Variants in ASTN2 observed in about 807,000 individuals in gnomAD.
ASTN2 encodes astrotactin-2.
In ASTN2, 54 loss-of-function variants were observed where a neutral mutation model predicts 139.8. That is an observed-to-expected ratio of 0.39 (90% CI 0.31 to 0.48). The LOEUF is 0.48. Ranked by LOEUF, ASTN2 falls within the 20% of genes least tolerant of loss-of-function variation. ASTN2 has a pLI of 0.95. For missense variants in ASTN2, 1,565 were observed against 1,725.1 expected, an observed-to-expected ratio of 0.91 and a Z score of 1.64; for synonymous variants, 756 against 719.5, an observed-to-expected ratio of 1.05 and a Z score of -0.81.
intron 2 of ASTN2, among the ~76,000 whole-genome samples, chr9:117,278,872 C>A (rs1331829937): frequency 6.6e-6 from 1 of 152,122 alleles, no homozygotes; most frequent in Non-Finnish European, 1.5e-5. Flanking sequence ...GGGCCTTCTG[C>A]TGGGTGCAGT....
intron 1 of ASTN2, among the ~76,000 whole-genome samples, chr9:117,402,295 G>A (rs570033555): frequency 1.3e-5 from 2 of 152,264 alleles, no homozygotes; most frequent in South Asian, 4.1e-4. Context: ...TCAAACTCCT[G>A]ACCTAAAGTG....
At chr9:117,322,405 C>T (rs1204082528) in intron 1 of ASTN2, among the ~76,000 whole-genome samples, 3 of 152,278 alleles carry the variant, frequency 2.0e-5, no homozygotes, top group Middle Eastern at 3.4e-3. Context: ...TATATCCTAT[C>T]TTGGTATGTC....
At chr9:116,582,339 T>A (rs753864436) in intron 19 of ASTN2, 1 of 152,210 alleles carries the variant, frequency 6.6e-6, no homozygotes, top group Non-Finnish European at 1.5e-5. Context: ...CCTTTGCAGC[T>A]TTCCTAGAAA....
intron 10 of ASTN2, among the ~76,000 whole-genome samples, chr9:116,922,318 T>C (rs550643781): frequency 1.3e-5 from 2 of 152,346 alleles, no homozygotes; most frequent in East Asian, 3.9e-4. Flanking sequence ...CTGTGTTTGG[T>C]TATGATTAAT....
At chr9:117,269,931 A>G (rs1203487355) in intron 2 of ASTN2, among the ~76,000 whole-genome samples, 2 of 152,208 alleles carry the variant, frequency 1.3e-5, no homozygotes, top group African/African-American at 4.8e-5. Context: ...TATACATCTT[A>G]TCTCACTGAA....
At chr9:117,033,551 G>A (rs531993413) in intron 6 of ASTN2, among the ~76,000 whole-genome samples, 1 of 152,108 alleles carries the variant, frequency 6.6e-6, no homozygotes, top group Non-Finnish European at 1.5e-5. Context: ...AGAGGAAGAC[G>A]TTTCCAAACC....
In ASTN2 at chr9:116,918,800, T is replaced by A. The variant is rs1348069395; in HGVS notation, c.1890-55067A>T. Among the ~76,000 whole-genome samples, 4 of 152,314 alleles carry A rather than the reference T, an allele frequency of 2.6e-5. No homozygotes were observed. In the East Asian group the frequency reaches 7.7e-4, roughly 29 times the overall value. ...GAGTTGTATAGACATATGATTACAG[T>A]CTTATAAACATAAGTCTATATAGTT... On this transcript the variant is annotated intron_variant, in intron 10 of 22. Coordinates refer to ENST00000313400, the MANE Select transcript of ASTN2 (RefSeq NM_001365068.1).
At chr9:117,160,372 C>T (rs551997567) in intron 3 of ASTN2, among the ~76,000 whole-genome samples, 1 of 151,368 alleles carries the variant, frequency 6.6e-6, no homozygotes, top group African/African-American at 2.4e-5. Context: ...TGTCACTTTT[C>T]CCATCCATAT....
At chr9:116,738,478 G>T (rs533165793) in intron 13 of ASTN2, among the ~76,000 whole-genome samples, 33 of 136,028 alleles carry the variant, frequency 2.4e-4, no homozygotes, top group African/African-American at 8.6e-4. Flanking sequence ...CATCTCAGAA[G>T]AAAAAAAAAA....
intron 10 of ASTN2, among the ~76,000 whole-genome samples, chr9:116,949,916 A>C (rs1358390677): frequency 6.6e-6 from 1 of 152,168 alleles, no homozygotes; most frequent in Admixed American, 6.5e-5. Context: ...ACTGTATGAA[A>C]CACACTTAGA....
chr9:117,311,417 A>G (rs1400784377), intron 1 of ASTN2, among the ~76,000 whole-genome samples: 1 of 152,034 alleles, frequency 6.6e-6, no homozygotes, highest in Non-Finnish European at 1.5e-5. Flanking sequence ...GGCTCCTAGG[A>G]CCCAGCCCAA....
intron 5 of ASTN2, among the ~76,000 whole-genome samples, chr9:117,046,931 T>G (rs1838763875): frequency 6.6e-6 from 1 of 152,158 alleles, no homozygotes. Context: ...GCAAACTGAT[T>G]CACTCACTTT....
At chr9:117,153,441 G>A (rs1047854566) in intron 3 of ASTN2, among the ~76,000 whole-genome samples, 2 of 152,052 alleles carry the variant, frequency 1.3e-5, no homozygotes, top group Non-Finnish European at 2.9e-5. Context: ...AGATTCTATA[G>A]TTGTTTGTTA....
chr9:116,818,939 C>T (rs1831409539), intron 12 of ASTN2, among the ~76,000 whole-genome samples: 2 of 152,100 alleles, frequency 1.3e-5, no homozygotes, highest in African/African-American at 4.8e-5. Context: ...CAGAGGGTAA[C>T]AAATATGAAA....
intron 1 of ASTN2, among the ~76,000 whole-genome samples, chr9:117,376,723 T>G (rs991955143): frequency 4.6e-5 from 7 of 152,168 alleles, no homozygotes; most frequent in Admixed American, 3.3e-4. Context: ...GTTTCTGAAC[T>G]GGAAAATCGG....
At chr9:116,576,613 C>G (rs1489670586) in intron 19 of ASTN2, among the ~76,000 whole-genome samples, 1 of 152,154 alleles carries the variant, frequency 6.6e-6, no homozygotes, top group Non-Finnish European at 1.5e-5. Context: ...AGGATTACAG[C>G]ACACTAGCAA....
At chr9:117,320,275 T>C (rs1408120117) in intron 1 of ASTN2, among the ~76,000 whole-genome samples, 1 of 152,124 alleles carries the variant, frequency 6.6e-6, no homozygotes, top group Non-Finnish European at 1.5e-5. Context: ...TGAACTGAAC[T>C]GAAATGAAAT....
intron 20 of ASTN2, among the ~76,000 whole-genome samples, chr9:116,477,856 AAAAAG>A (rs138922982): frequency 0.49 from 40,807 of 83,960 alleles, 5,746 homozygotes; most frequent in East Asian, 0.62. Context: ...TCCCTAATCA[AAAAAG>A]AAAAAAAAAA....
intron 13 of ASTN2, among the ~76,000 whole-genome samples, chr9:116,735,995 C>G (rs1412372929): frequency 6.6e-6 from 1 of 152,196 alleles, no homozygotes; most frequent in Non-Finnish European, 1.5e-5. Flanking sequence ...TATTCTTCAC[C>G]CAACTCTGTG....
Sources: allele counts gnomAD v4.1 joint callset (sites outside exome capture counted in the v4.1 genomes callset), GRCh38; gene constraint gnomAD v4.1.1; transcripts MANE v1.5; gene names NCBI Gene and HGNC (gene_info 2026-07-23, HGNC 2026-07-21).